PANK3: variants seen among roughly 807,000 people sequenced by gnomAD.
PANK3 encodes the protein pantothenate kinase 3.
PANK3 carries 20 observed loss-of-function variants against 39.4 expected under a neutral mutation model. The ratio of observed to expected loss-of-function variants is 0.51; its 90% CI spans 0.36 to 0.74. The LOEUF is 0.74. Among genes scored for constraint, PANK3 ranks in the 30% least tolerant of loss-of-function variants. The pLI is 0.00. For synonymous variants in PANK3, 140 were observed against 157.3 expected, an observed-to-expected ratio of 0.89 and a Z score of 0.82; for missense variants, 265 against 437.0, an observed-to-expected ratio of 0.61 and a Z score of 3.51.
intron 1 of PANK3, among the ~76,000 whole-genome samples, chr5:168,573,394 G>A (rs1270838395): frequency 2.6e-4 from 11 of 42,444 alleles, no homozygotes; most frequent in Middle Eastern, 0.025. Flanking sequence ...TAAAAAGCAC[G>A]AGATGCAGAA....
intron 3 of PANK3, 53 bp downstream of exon 3, chr5:168,565,960 C>G (rs1038184851): frequency 3.9e-5 from 60 of 1,523,216 alleles, no homozygotes; most frequent in Non-Finnish European, 5.1e-5. Context: ...GATTTCATAA[C>G]TTCTGTGTAT....
rs1192361199 is a variant in PANK3 at position 168,557,294 on chromosome 5, T to C, written c.*277A>G. The C allele has an allele frequency of 4.8e-6, 2 of 419,726 alleles. No individual in the cohort carries two copies. Among genetic ancestry groups the C allele is most frequent in the East Asian group, 4.3e-5 (1 of 23,258 alleles). The allele number at this position is 419,726 out of a possible 1,614,324, so 26.0% of individuals were successfully genotyped here. On this transcript the variant is annotated 3_prime_UTR_variant, in exon 7 of 7. Transcript: ENST00000239231. ...TGTTTGAGCATACAGTACTGCAATG[T>C]TGGCTACATAAAATAAAAAAATCTT...
Position 168,559,111 on chromosome 5 carries a change from G to A in PANK3, c.983C>T (p.Thr328Ile). Residue 328 changes from threonine to isoleucine, a missense_variant, in exon 6 of 7, where the codon ACC (threonine) becomes ATC (isoleucine). This residue lies in a region of PANK3 where 110 missense variants were observed against 161.2 expected (regional missense o/e 0.68). Transcript: ENST00000239231. ...VFVGNFLRVN[T>I]LSMKLLAYAL... The stretch of plus-strand genomic sequence containing the variant: ...ATATGCCAAAAGTTTCATTGAGAGG[G>A]TATTGACACGTAAAAAGTTTCCAAC... 1 of 1,593,466 alleles carries A rather than the reference G, an allele frequency of 6.3e-7. No homozygotes were observed. Among genetic ancestry groups the A allele is most frequent in the South Asian group, 1.1e-5 (1 of 88,512 alleles).
chr5:168,563,832 T>C, intron 4 of PANK3, 57 bp downstream of exon 4: 1 of 1,469,430 alleles, frequency 6.8e-7, no homozygotes, highest in East Asian at 2.4e-5. Flanking sequence ...TCCAAAAACA[T>C]AAGCAACTTG....
chr5:168,559,060 T>A lies in PANK3; in HGVS notation c.1034A>T (p.Gln345Leu). 6.2e-7 allele frequency: 1 copy of A among 1,609,586 alleles called. No homozygotes were observed. Among genetic ancestry groups the A allele is most frequent in the Admixed American group, 1.7e-5 (1 of 59,670 alleles). Residue 345 changes from glutamine (Q) to leucine (L), a missense_variant, in exon 6 of 7, where the codon CAA (glutamine) becomes CTA (leucine). This residue lies in a region of PANK3 where 110 missense variants were observed against 161.2 expected (regional missense o/e 0.68). Coordinates refer to ENST00000239231, the MANE Select transcript of PANK3 (RefSeq NM_024594.4). ...ATGTTCTAGAAACAATGCTTTTAGT[T>A]GACCTTTTGACCAGTAATCCAGTGC... ...AYALDYWSKG[Q>L]LKALFLEHEG... is the part of the protein sequence containing the mutation.
Position 168,563,954 on chromosome 5 carries a change from C to T in PANK3, c.747G>A (p.Leu249=), listed in dbSNP as rs1213242730. The change falls in exon 4 of 7, where the codon CTG becomes CTA. Residue 249 remains leucine (L), a synonymous_variant. Coordinates refer to ENST00000239231, the MANE Select transcript of PANK3 (RefSeq NM_024594.4). ...SKGDSTQADK[L]VRDIYGGDYE... ...AATCTCCTCCATAAATATCACGGAC[C>T]AGCTTGTCAGCTTGTGTGCTATCAC... is the stretch of plus-strand genomic sequence containing the variant. 1 of 1,613,066 alleles carries T rather than the reference C, an allele frequency of 6.2e-7. No individual in the cohort carries two copies. The highest frequency in any genetic ancestry group is 8.5e-7 in the Non-Finnish European group (1 of 1,179,488).
At chr5:168,563,320 T>C (rs1007617990) in intron 4 of PANK3, among the ~76,000 whole-genome samples, 2 of 152,156 alleles carry the variant, frequency 1.3e-5, no homozygotes, top group Admixed American at 1.3e-4. Context: ...CCAGTGTTGG[T>C]AGGAGAAATG....
chr5:168,574,087 C>T (rs1458084814), intron 1 of PANK3, among the ~76,000 whole-genome samples: 15 of 150,446 alleles, frequency 1.0e-4, no homozygotes, highest in Admixed American at 7.9e-4. Context: ...CCTGAGGAAT[C>T]GCCACACTGA....
Position 168,557,241 on chromosome 5 carries a change from C to A in PANK3, c.*330G>T. The A allele has an allele frequency of 5.2e-6, 1 of 190,832 alleles. No homozygotes were observed. The highest frequency in any genetic ancestry group is 1.1e-5 in the Non-Finnish European group (1 of 92,482). The allele number at this position is 190,832 out of a possible 1,614,324, so 11.8% of individuals were successfully genotyped here. A position where few individuals can be genotyped will look rare whatever the true frequency, so the allele number is the denominator to read the frequency against. On this transcript the variant is annotated 3_prime_UTR_variant, in exon 7 of 7. Coordinates refer to ENST00000239231, the MANE Select transcript of PANK3 (RefSeq NM_024594.4). ...ATTCAGAGTCGATTATTTTCATAAG[C>A]TAAACAGTTCCGATACTTTAAGATT...
Position 168,551,863 on chromosome 5 carries a change from G to T in PANK3, c.*5708C>A, listed in dbSNP as rs1454334568. 6.6e-6 allele frequency: 1 copy of T among 152,076 alleles called. No homozygotes were observed. The highest frequency in any genetic ancestry group is 2.4e-5 in the African/African-American group (1 of 41,398). 9.4% of individuals were successfully genotyped at this position (152,076 alleles called of 1,614,324 possible). ...CTTTCAATTACCATGTATATTACTG[G>T]CAATAGTACTGACTTTACCCAAACT... On this transcript the variant is annotated 3_prime_UTR_variant, in exon 7 of 7. Coordinates refer to ENST00000239231, the MANE Select transcript of PANK3 (RefSeq NM_024594.4).
In PANK3 at chr5:168,579,272, T is replaced by C; in HGVS notation, c.12A>G (p.Lys4=). ...CCGTCTTACAGGGTTTCTTGGCATC[T>C]TTGATCTTCATGGCGTCGGCCCGAG... The part of the protein sequence containing the change: MKI[K]DAKKPSFPWF... Residue 4 remains lysine (K), a synonymous_variant, in exon 1 of 7, where the codon AAA becomes AAG. Coordinates refer to ENST00000239231, the MANE Select transcript of PANK3 (RefSeq NM_024594.4). 1.3e-6 allele frequency: 2 copies of C among 1,502,656 alleles called. No homozygotes were observed. Among genetic ancestry groups the C allele is most frequent in the Non-Finnish European group, 1.8e-6 (2 of 1,122,240 alleles). 93.1% of individuals were successfully genotyped at this position (1,502,656 alleles called of 1,614,324 possible). A position where few individuals can be genotyped will look rare whatever the true frequency, so the allele number is the denominator to read the frequency against.
chr5:168,576,616 G>C (rs1164732252), intron 1 of PANK3, among the ~76,000 whole-genome samples: 1 of 151,996 alleles, frequency 6.6e-6, no homozygotes, highest in Non-Finnish European at 1.5e-5. Flanking sequence ...TTAAGATATT[G>C]GTAATGTATT....
chr5:168,574,848 C>T (rs547422418), intron 1 of PANK3, among the ~76,000 whole-genome samples: 9 of 151,878 alleles, frequency 5.9e-5, no homozygotes, highest in East Asian at 1.9e-4. Context: ...GCGACAAAAG[C>T]GAGACTCCAT....
At chr5:168,569,022 A>ATAT (rs1200735931) in intron 1 of PANK3, 24 bp from the exon 2 acceptor site, 21 of 361,130 alleles carry the variant, frequency 5.8e-5, no homozygotes, top group African/African-American at 4.7e-4. Context: ...AAAAAAAAAA[A>ATAT]AAAAAAAAAT....
intron 3 of PANK3, among the ~76,000 whole-genome samples, chr5:168,565,315 T>C (rs999265296): frequency 6.6e-6 from 1 of 152,222 alleles, no homozygotes; most frequent in Non-Finnish European, 1.5e-5. Context: ...TTATATCTTA[T>C]TTCTCATTCG....
rs1003007641 is a variant in PANK3, at chr5:168,557,339, A to G, written c.*232T>C. 4 of 513,194 alleles carry G rather than the reference A, an allele frequency of 7.8e-6. No individual in the cohort carries two copies. The highest frequency in any genetic ancestry group is 1.4e-5 in the Non-Finnish European group (4 of 291,498). 31.8% of individuals were successfully genotyped at this position (513,194 alleles called of 1,614,324 possible). ...AATCTTTTTAAGAGGAAGCTCAATA[A>G]TCAGAGGCTGTATTGCATTTAAGGA... On this transcript the variant is annotated 3_prime_UTR_variant, in exon 7 of 7. Coordinates refer to ENST00000239231, the MANE Select transcript of PANK3 (RefSeq NM_024594.4).
At chr5:168,562,442 C>T (rs111979725) in intron 4 of PANK3, among the ~76,000 whole-genome samples, 38 of 152,142 alleles carry the variant, frequency 2.5e-4, no homozygotes, top group African/African-American at 8.4e-4. Flanking sequence ...GATGTTTGGT[C>T]GGAGTGAAGC....
chr5:168,570,310 G>A (rs946388855), intron 1 of PANK3, among the ~76,000 whole-genome samples: 8 of 151,498 alleles, frequency 5.3e-5, no homozygotes, highest in Admixed American at 4.0e-4. Context: ...GCGTGAACCC[G>A]GGAGGTGGAG....
chr5:168,561,637 A>G, intron 4 of PANK3, 121 bp from the exon 5 acceptor site: 1 of 812,418 alleles, frequency 1.2e-6, no homozygotes, highest in Non-Finnish European at 1.7e-6. Flanking sequence ...AGAAACACAT[A>G]GGGATAAGAT....
Sources: allele counts gnomAD v4.1 joint callset (sites outside exome capture counted in the v4.1 genomes callset), GRCh38; gene constraint gnomAD v4.1.1; regional missense constraint gnomAD v4.1.1; transcripts MANE v1.5; gene names NCBI Gene and HGNC (gene_info 2026-07-23, HGNC 2026-07-21).